ZNF506: variants seen among roughly 807,000 people sequenced by gnomAD.
ZNF506 encodes the protein zinc finger protein 506.
In ZNF506, 10 loss-of-function variants were observed where a neutral mutation model predicts 11.6. The observed-to-expected ratio is 0.86, with a 90% CI of 0.53 to 1.46. The LOEUF is 1.46. ZNF506 is among the 40% of genes most tolerant of loss of function. The pLI is 0.00. For synonymous variants in ZNF506, 156 were observed against 173.3 expected (o/e 0.90, Z 0.78); for missense variants, 425 against 521.2 (o/e 0.82, Z 1.80).
intron 1 of ZNF506, among the ~76,000 whole-genome samples, chr19:19,814,375 A>T (rs1016273763): frequency 2.3e-4 from 35 of 150,766 alleles, no homozygotes; most frequent in African/African-American, 7.8e-4. Context: ...ACCATTGCAC[A>T]CCACCCTGGG....
chr19:19,797,100 A>ATCGCCATGTCTCT (rs2062748592), intron 3 of ZNF506: 1 of 152,246 alleles, frequency 6.6e-6, no homozygotes, highest in Non-Finnish European at 1.5e-5. Context: ...CAAAAAAATT[A>ATCGCCATGTCTCT]TAAAATTTTC....
At chr19:19,803,390 G>C (rs2062810426) in intron 3 of ZNF506, among the ~76,000 whole-genome samples, 1 of 152,156 alleles carries the variant, frequency 6.6e-6, no homozygotes, top group African/African-American at 2.4e-5. Flanking sequence ...TGCCTACATA[G>C]AAACCCACCC....
At chr19:19,815,493 G>A (rs2062923048) in intron 1 of ZNF506, among the ~76,000 whole-genome samples, 7 of 152,094 alleles carry the variant, frequency 4.6e-5, no homozygotes, top group Admixed American at 3.9e-4. Flanking sequence ...ACAGGACAAC[G>A]GGCAGTGTGA....
rs143768951 is a variant in ZNF506 at position 19,795,685 on chromosome 19, G to T, written c.227-25C>A. 2.1e-3 allele frequency: 3,172 copies of T among 1,478,244 alleles called. 67 individuals are homozygous for T. In the African/African-American group the frequency reaches 0.038, roughly 18 times the overall value. 91.6% of individuals were successfully genotyped at this position (1,478,244 alleles called of 1,614,324 possible). ...ACTGAAAGAAACAATAAAAACACAT[G>T]ACTTCAATTGCTAGACTCAGATAAA... On this transcript the variant is annotated intron_variant, in intron 3 of 3. Coordinates refer to ENST00000540806, the MANE Select transcript of ZNF506 (RefSeq NM_001099269.3).
In ZNF506 at chr19:19,821,689, G is replaced by A. The variant is rs929052106; in HGVS notation, c.-86C>T. The stretch of plus-strand genomic sequence containing the variant: ...CAGGGCCACAGAGGCTGGGCCTCTA[G>A]GAGCTGACGGCACAGAGCAGTGAAG... On this transcript the variant is annotated 5_prime_UTR_variant, in exon 1 of 4. Coordinates refer to ENST00000540806, the MANE Select transcript of ZNF506 (RefSeq NM_001099269.3). 3 of 1,524,496 alleles carry A rather than the reference G, an allele frequency of 2.0e-6. No homozygotes were observed. Among genetic ancestry groups the A allele is most frequent in the East Asian group, 2.3e-5 (1 of 44,276 alleles). The allele number at this position is 1,524,496 out of a possible 1,614,324, so 94.4% of individuals were successfully genotyped here. A position where few individuals can be genotyped will look rare whatever the true frequency, so the allele number is the denominator to read the frequency against.
At chr19:19,803,321 C>G (rs898618065) in intron 3 of ZNF506, among the ~76,000 whole-genome samples, 1 of 152,178 alleles carries the variant, frequency 6.6e-6, no homozygotes, top group South Asian at 2.1e-4. Context: ...TTACTGTGGT[C>G]CCTGGAACAG....
chr19:19,821,734 CG>C lies in ZNF506; in HGVS notation c.-132del. ...GTGAAGACGATAGCTGGATCTCTGG[CG>C]TCAGCGAGAGACAATGGGCCCGCCA... is the stretch of plus-strand genomic sequence containing the variant. On this transcript the variant is annotated 5_prime_UTR_variant, in exon 1 of 4. Transcript: ENST00000540806. 4 of 1,241,352 alleles carry C rather than the reference CG, an allele frequency of 3.2e-6. No homozygotes were observed. Among genetic ancestry groups the C allele is most frequent in the Non-Finnish European group, 4.7e-6 (4 of 853,562 alleles). The allele number at this position is 1,241,352 out of a possible 1,614,324, so 76.9% of individuals were successfully genotyped here.
At chr19:19,804,072 A>C (rs944230082) in intron 3 of ZNF506, among the ~76,000 whole-genome samples, 2 of 152,240 alleles carry the variant, frequency 1.3e-5, no homozygotes, top group Non-Finnish European at 2.9e-5. Context: ...AACAAAAGCC[A>C]AAATAGACAA....
intron 2 of ZNF506, 66 bp from the exon 3 acceptor site, chr19:19,806,192 C>T (rs1036913889): frequency 6.8e-6 from 8 of 1,168,350 alleles, no homozygotes; most frequent in Non-Finnish European, 8.3e-6. Context: ...TAGTACTGTG[C>T]TCAGCAGAGA....
Position 19,794,677 on chromosome 19 carries a change from T to C in ZNF506, c.1210A>G (p.Lys404Glu), listed in dbSNP as rs1026193150. ...AGGGCTGAGGACCAGTTAAAAGCTT[T>C]GCCACATTCTTCACATTTGTACGGT... ...EKPYKCEECG[K>E]AFNWSSALNK... Residue 404 changes from lysine (K) to glutamate (E), a missense_variant, in exon 4 of 4, where the codon AAA becomes GAA. Around this residue, in one of 3 missense-constraint regions of ZNF506, gnomAD observed 192 missense variants for 215.7 expected, o/e 0.89. Transcript: ENST00000540806. 1.2e-6 allele frequency: 2 copies of C among 1,614,064 alleles called. No homozygotes were observed. The highest frequency in any genetic ancestry group is 2.7e-5 in the African/African-American group (2 of 74,956).
intron 3 of ZNF506, chr19:19,797,752 T>C (rs1263050521): frequency 6.6e-6 from 1 of 152,122 alleles, no homozygotes; most frequent in East Asian, 1.9e-4. Context: ...AGCTGCAAGA[T>C]AAAAATGATG....
chr19:19,794,344 C>A lies in ZNF506; in HGVS notation c.*208G>T. The stretch of plus-strand genomic sequence containing the variant: ...AAAAGAGTTGACAGGTTGTTATAGG[C>A]TTTGCCATATTCTTCACACTTGTAG... On this transcript the variant is annotated 3_prime_UTR_variant, in exon 4 of 4. Transcript: ENST00000540806. 4.0e-6 allele frequency: 2 copies of A among 502,046 alleles called. No individual in the cohort carries two copies. The highest frequency in any genetic ancestry group is 6.8e-6 in the Non-Finnish European group (2 of 292,206). 31.1% of individuals were successfully genotyped at this position (502,046 alleles called of 1,614,324 possible).
chr19:19,815,135 C>G (rs1398867142), intron 1 of ZNF506, among the ~76,000 whole-genome samples: 1 of 152,128 alleles, frequency 6.6e-6, no homozygotes. Context: ...TGGCGGGCAC[C>G]TGTAGTCCCA....
chr19:19,804,593 A>G (rs1185716219), intron 3 of ZNF506, among the ~76,000 whole-genome samples: 2 of 152,246 alleles, frequency 1.3e-5, no homozygotes, highest in Non-Finnish European at 2.9e-5. Flanking sequence ...GTATATACCC[A>G]AAGGATTATA....
Position 19,816,810 on chromosome 19 carries a change from CTTTTTTT to C in ZNF506, c.3+4784_3+4790del, listed in dbSNP as rs34297481. The stretch of plus-strand genomic sequence containing the variant: ...AGCCTGGCCTAAAATAAAATATTTC[CTTTTTTT>C]TTTTTTTTTTTTTTTTTTTTGAGGG... On this transcript the variant is annotated intron_variant, in intron 1 of 3. Transcript: ENST00000540806. Among the ~76,000 whole-genome samples the C allele has an allele frequency of 2.3e-3, 183 of 80,260 alleles. 2 individuals are homozygous for C. In the East Asian group the frequency reaches 0.037, roughly 16 times the overall value. The allele number at this position is 80,260 out of a possible 152,430, so 52.7% of individuals were successfully genotyped here. A position where few individuals can be genotyped will look rare whatever the true frequency, so the allele number is the denominator to read the frequency against.
At position 19,794,815 on chromosome 19, in the gene ZNF506, T is replaced by A; in HGVS notation, c.1072A>T (p.Lys358Ter). The A allele has an allele frequency of 1.2e-6, 2 of 1,613,924 alleles. No individual in the cohort carries two copies. The highest frequency in any genetic ancestry group is 2.2e-5 in the South Asian group (2 of 91,066). ...KTFTWYSSLS[K>*]HKRAHTGEKP... ...TCTCCAGTATGAGCTCTCTTATGTT[T>A]AGAGAGGCTTGAGTACCAGGTAAAG... Residue 358 changes from lysine to a stop codon, truncating the protein, a stop_gained, in exon 4 of 4, where the codon AAA becomes TAA. Transcript: ENST00000540806. LOFTEE classifies it low-confidence loss of function (END_TRUNC).
chr19:19,810,607 T>C (rs1215396362), intron 1 of ZNF506, among the ~76,000 whole-genome samples: 1 of 151,974 alleles, frequency 6.6e-6, no homozygotes, highest in Non-Finnish European at 1.5e-5. Flanking sequence ...ATGGAAGAGA[T>C]ATAGAAGGAA....
rs2062704872 is a variant in ZNF506, at chr19:19,792,783, C to G, written c.*1769G>C. Among the ~76,000 whole-genome samples, 1 of 151,490 alleles carries G rather than the reference C, an allele frequency of 6.6e-6. No homozygotes were observed. Among genetic ancestry groups the G allele is most frequent in the Non-Finnish European group, 1.5e-5 (1 of 67,904 alleles). On this transcript the variant is annotated 3_prime_UTR_variant, in exon 4 of 4. Transcript: ENST00000540806. ...AAAAAAAAAGTTTTAAAATGGTCTG[C>G]CAACATGTTAATGTAGGTTAGGCCA... is the stretch of plus-strand genomic sequence containing the variant.
At chr19:19,795,930 G>C in intron 3 of ZNF506, 1 of 407,664 alleles carries the variant, frequency 2.5e-6, no homozygotes, top group South Asian at 2.3e-5. Flanking sequence ...AAAAAGAAAA[G>C]TCTGTTACTT....
Sources: gnomAD v4.1 joint callset for allele counts (sites outside exome capture counted in the v4.1 genomes callset) on GRCh38, gnomAD v4.1.1 for gene constraint, gnomAD v4.1.1 regional missense constraint, MANE v1.5 for transcripts, NCBI Gene and HGNC (gene_info 2026-07-23, HGNC 2026-07-21) for gene names.